The following NCEH1 variants were observed in gnomAD, a reference collection of about 807,000 sequenced individuals.
NCEH1 encodes the protein 2-acetyl MAGE hydrolase.
In NCEH1, 9 loss-of-function variants were observed where a neutral mutation model predicts 25.4. That is an observed-to-expected ratio of 0.35 (90% CI 0.21 to 0.62). The LOEUF (loss-of-function observed/expected upper bound fraction) is 0.62. NCEH1 is among the 20% of genes least tolerant of loss of function. The pLI is 0.72. For missense variants in NCEH1, 412 were observed against 501.1 expected, an observed-to-expected ratio of 0.82 and a Z score of 1.70; for synonymous variants, 200 against 199.8, an observed-to-expected ratio of 1.00 and a Z score of -0.01.
rs558129724 is a variant in NCEH1, at chr3:172,639,170, T to A, written c.438-3083A>T. On this transcript the variant is annotated intron_variant, in intron 3 of 4. Coordinates refer to ENST00000475381, the MANE Select transcript of NCEH1 (RefSeq NM_020792.6). ...AAAAATTGCTGGGTGTGGTGGCATG[T>A]GCTTGTAATCCCAGCTACTCGGGAG... is the stretch of plus-strand genomic sequence containing the variant. Among the ~76,000 whole-genome samples the A allele has an allele frequency of 3.9e-5, 6 of 152,114 alleles. No homozygotes were observed. In the East Asian group the frequency reaches 1.2e-3, roughly 30 times the overall value.
At chr3:172,645,034 CA>C (rs1169611453) in intron 3 of NCEH1, among the ~76,000 whole-genome samples, 2 of 151,986 alleles carry the variant, frequency 1.3e-5, no homozygotes, top group African/African-American at 4.8e-5. Flanking sequence ...ATGCCTGGTA[CA>C]AAAAAGATGG....
chr3:172,665,214 G>C (rs1718150706), intron 1 of NCEH1, among the ~76,000 whole-genome samples: 1 of 152,204 alleles, frequency 6.6e-6, no homozygotes, highest in South Asian at 2.1e-4. Context: ...CTAACAGTCA[G>C]GACCCTCAGC....
chr3:172,634,725 T>A (rs550252158), intron 4 of NCEH1, among the ~76,000 whole-genome samples: 1 of 152,300 alleles, frequency 6.6e-6, no homozygotes, highest in East Asian at 1.9e-4. Context: ...CTCCCCACAG[T>A]GTTAACATTG....
chr3:172,640,755 C>T (rs1267855459), intron 3 of NCEH1, among the ~76,000 whole-genome samples: 1 of 152,148 alleles, frequency 6.6e-6, no homozygotes, highest in Non-Finnish European at 1.5e-5. Context: ...GATCCGCTCG[C>T]CTCAGCCTCC....
intron 3 of NCEH1, among the ~76,000 whole-genome samples, chr3:172,641,012 C>T (rs1040916844): frequency 3.9e-5 from 6 of 151,940 alleles, no homozygotes; most frequent in African/African-American, 9.7e-5. Context: ...AAACTGTGCT[C>T]GAGGGGAAGG....
At chr3:172,684,775 G>A (rs1712605550) in intron 1 of NCEH1, among the ~76,000 whole-genome samples, 2 of 151,682 alleles carry the variant, frequency 1.3e-5, no homozygotes. Flanking sequence ...AAGGTCAGGA[G>A]TTTGACACCA....
chr3:172,671,722 AATGTAGCAT>A (rs1711641070), intron 1 of NCEH1, among the ~76,000 whole-genome samples: 1 of 152,010 alleles, frequency 6.6e-6, no homozygotes, highest in Non-Finnish European at 1.5e-5. Context: ...GGTGTATATA[AATGTAGCAT>A]GTATATATAC....
intron 1 of NCEH1, among the ~76,000 whole-genome samples, chr3:172,688,477 T>C (rs1712832703): frequency 6.6e-6 from 1 of 152,088 alleles, no homozygotes; most frequent in South Asian, 2.1e-4. Flanking sequence ...TTGATTTGAG[T>C]ATAGTCTTGT....
chr3:172,692,476 G>A (rs1430140314), intron 1 of NCEH1, among the ~76,000 whole-genome samples: 1 of 151,964 alleles, frequency 6.6e-6, no homozygotes, highest in Admixed American at 6.6e-5. Context: ...TCCCACTTCA[G>A]CCTTGCAAGT....
intron 1 of NCEH1, among the ~76,000 whole-genome samples, chr3:172,708,738 A>G (rs879455914): frequency 2.0e-5 from 3 of 152,186 alleles, no homozygotes; most frequent in Non-Finnish European, 2.9e-5. Context: ...TATTGCTTCA[A>G]AAAAGGTAAG....
intron 1 of NCEH1, among the ~76,000 whole-genome samples, chr3:172,679,468 C>T (rs1712219035): frequency 6.6e-6 from 1 of 152,072 alleles, no homozygotes; most frequent in Non-Finnish European, 1.5e-5. Flanking sequence ...TTATAGTCTC[C>T]AATGTCTATA....
intron 1 of NCEH1, among the ~76,000 whole-genome samples, chr3:172,697,283 G>C (rs1440854079): frequency 1.3e-5 from 2 of 152,054 alleles, no homozygotes; most frequent in African/African-American, 2.4e-5. Context: ...TGTCACTGTA[G>C]CTATAGCCCC....
At chr3:172,674,320 G>GT (rs985210851) in intron 1 of NCEH1, among the ~76,000 whole-genome samples, 10 of 151,544 alleles carry the variant, frequency 6.6e-5, no homozygotes, top group Non-Finnish European at 1.3e-4. Context: ...GGCACGTGCC[G>GT]TAATCCCAGC....
In NCEH1 at chr3:172,631,029, A is replaced by G. The variant is rs1174247734; in HGVS notation, c.*2446T>C. 1 of 151,984 alleles carries G rather than the reference A, an allele frequency of 6.6e-6. No individual in the cohort carries two copies. Among genetic ancestry groups the G allele is most frequent in the Non-Finnish European group, 1.5e-5 (1 of 68,010 alleles). The allele number at this position is 151,984 out of a possible 1,614,324, so 9.4% of individuals were successfully genotyped here. A position where few individuals can be genotyped will look rare whatever the true frequency, so the allele number is the denominator to read the frequency against. On this transcript the variant is annotated 3_prime_UTR_variant, in exon 5 of 5. Transcript: ENST00000475381. Reference sequence around the variant, plus strand: ...AAAGCCACAGTACTAAAAAAAAAAAATCAATCTGCAGAGTGTAAACATTTT... The same window carrying G: ...AAAGCCACAGTACTAAAAAAAAAAAGTCAATCTGCAGAGTGTAAACATTTT...
chr3:172,645,233 C>T (rs185362499), intron 3 of NCEH1, among the ~76,000 whole-genome samples: 5 of 152,234 alleles, frequency 3.3e-5, no homozygotes, highest in African/African-American at 1.2e-4. Flanking sequence ...TCCCAAGGCA[C>T]AAGTCATAGA....
chr3:172,706,687 G>C (rs1473736745), intron 1 of NCEH1, among the ~76,000 whole-genome samples: 1 of 151,668 alleles, frequency 6.6e-6, no homozygotes, highest in Non-Finnish European at 1.5e-5. Flanking sequence ...TTTTAGTAGA[G>C]ACGGGGTTTC....
chr3:172,640,560 T>G (rs1577052641), intron 3 of NCEH1, among the ~76,000 whole-genome samples: 2 of 152,150 alleles, frequency 1.3e-5, no homozygotes, highest in Admixed American at 6.5e-5. Flanking sequence ...CAGGCTGGAG[T>G]GCAGTGGCAC....
At chr3:172,661,848 C>T (rs915872423) in intron 1 of NCEH1, among the ~76,000 whole-genome samples, 7 of 152,156 alleles carry the variant, frequency 4.6e-5, no homozygotes, top group Non-Finnish European at 1.0e-4. Context: ...GCTGAATTTG[C>T]TTATCAGCTT....
intron 1 of NCEH1, among the ~76,000 whole-genome samples, chr3:172,653,744 G>GTTGTTGCTTTTT (rs1717534237): frequency 3.2e-4 from 31 of 95,654 alleles, no homozygotes; most frequent in African/African-American, 1.2e-3. Context: ...TGTTTTTTTT[G>GTTGTTGCTTTTT]TTTTTTTGTT....
Sources: allele counts gnomAD v4.1 joint callset (sites outside exome capture counted in the v4.1 genomes callset), GRCh38; gene constraint gnomAD v4.1.1; transcripts MANE v1.5; gene names NCBI Gene and HGNC (gene_info 2026-07-23, HGNC 2026-07-21).